ZMIZ1: variants seen among roughly 807,000 people sequenced by gnomAD.
The protein encoded by ZMIZ1 is zinc finger MIZ-type containing 1.
A neutral mutation model predicts 113.9 loss-of-function variants in ZMIZ1; 17 were observed. That is an observed-to-expected ratio of 0.15 (90% CI 0.10 to 0.22). The LOEUF (loss-of-function observed/expected upper bound fraction) is 0.22, where lower values mean the gene tolerates loss of function less well. Among genes scored for constraint, ZMIZ1 ranks in the 10% least tolerant of loss-of-function variants. The pLI, the probability that ZMIZ1 is intolerant of heterozygous loss-of-function variation, is 1.00. For missense variants in ZMIZ1, 1,059 were observed against 1,477.8 expected (o/e 0.72, Z 4.65); for synonymous variants, 607 against 603.1 (o/e 1.01, Z -0.09).
intron 7 of ZMIZ1, among the ~76,000 whole-genome samples, chr10:79,263,305 G>A (rs1169228485): frequency 1.3e-5 from 2 of 152,218 alleles, no homozygotes; most frequent in Non-Finnish European, 2.9e-5. Flanking sequence ...TGAGTTTCTT[G>A]CATCAGGAAC....
intron 7 of ZMIZ1, among the ~76,000 whole-genome samples, chr10:79,222,996 ACTCTCAG>A (rs1849042703): frequency 6.6e-6 from 1 of 151,562 alleles, no homozygotes; most frequent in Non-Finnish European, 1.5e-5. Flanking sequence ...TGAATGGTGG[ACTCTCAG>A]ACCCCGTGGT....
chr10:79,144,940 A>G (rs1423509888), intron 3 of ZMIZ1, among the ~76,000 whole-genome samples: 1 of 146,186 alleles, frequency 6.8e-6, no homozygotes, highest in Non-Finnish European at 1.5e-5. Flanking sequence ...TGGCTTCTTC[A>G]TCCACTTCGG....
chr10:79,261,951 C>T (rs564357398), intron 7 of ZMIZ1, among the ~76,000 whole-genome samples: 55 of 152,316 alleles, frequency 3.6e-4, no homozygotes, highest in African/African-American at 1.2e-3. Context: ...AGAGTCCTTT[C>T]TCCTGTCTCA....
intron 22 of ZMIZ1, among the ~76,000 whole-genome samples, chr10:79,307,112 G>A (rs1854759724): frequency 6.6e-6 from 1 of 152,094 alleles, no homozygotes; most frequent in Admixed American, 6.5e-5. Context: ...TCTGCTCTAG[G>A]CTCAGGCCAT....
At chr10:79,217,162 G>A (rs1283530174) in intron 7 of ZMIZ1, among the ~76,000 whole-genome samples, 3 of 152,326 alleles carry the variant, frequency 2.0e-5, no homozygotes, top group East Asian at 3.9e-4. Context: ...GGTGGCTCAC[G>A]CCTGTAATCC....
chr10:79,277,991 C>T (rs1410738291), intron 8 of ZMIZ1, among the ~76,000 whole-genome samples: 2 of 152,220 alleles, frequency 1.3e-5, no homozygotes, highest in African/African-American at 4.8e-5. Flanking sequence ...TGTGTGTCTC[C>T]GCTAATGATC....
At chr10:79,136,345 G>A (rs1374747568) in intron 2 of ZMIZ1, among the ~76,000 whole-genome samples, 1 of 152,248 alleles carries the variant, frequency 6.6e-6, no homozygotes, top group African/African-American at 2.4e-5. Flanking sequence ...TCAAGATGGT[G>A]CCCACTTCTG....
chr10:79,240,411 A>C (rs540608739), intron 7 of ZMIZ1, among the ~76,000 whole-genome samples: 1 of 152,234 alleles, frequency 6.6e-6, no homozygotes, highest in Non-Finnish European at 1.5e-5. Context: ...ACTCGGAACA[A>C]GTGGAGAAGG....
At chr10:79,221,266 A>C (rs945954766) in intron 7 of ZMIZ1, among the ~76,000 whole-genome samples, 3 of 152,072 alleles carry the variant, frequency 2.0e-5, no homozygotes, top group Non-Finnish European at 4.4e-5. Context: ...GCGTGCATGC[A>C]TGCGTGTGTG....
rs1215673460 is a variant in ZMIZ1, at chr10:79,314,355, G to A, written c.*1606G>A. 2.3e-6 allele frequency: 1 copy of A among 426,516 alleles called. No individual in the cohort carries two copies. Among genetic ancestry groups the A allele is most frequent in the Non-Finnish European group, 4.8e-6 (1 of 210,490 alleles). 26.4% of individuals were successfully genotyped at this position (426,516 alleles called of 1,614,324 possible). A position where few individuals can be genotyped will look rare whatever the true frequency, so the allele number is the denominator to read the frequency against. On this transcript the variant is annotated 3_prime_UTR_variant, in exon 25 of 25. Transcript: ENST00000334512. ...CTTTCCTGCTCTCCCGTCCGCTGTG[G>A]GTGGTCCCCAGCTCTCCTCTGTGGG...
At chr10:79,279,965 G>A (rs113532388) in intron 8 of ZMIZ1, among the ~76,000 whole-genome samples, 1 of 151,760 alleles carries the variant, frequency 6.6e-6, no homozygotes, top group Non-Finnish European at 1.5e-5. Context: ...AAAGGGGAGA[G>A]GGGGAGGGAG....
intron 7 of ZMIZ1, among the ~76,000 whole-genome samples, chr10:79,261,699 A>G (rs1466237967): frequency 1.3e-5 from 2 of 152,198 alleles, no homozygotes; most frequent in African/African-American, 4.8e-5. Flanking sequence ...GGGGACAACA[A>G]TGCCCTCTCA....
At chr10:79,184,980 C>T (rs1296289846) in intron 4 of ZMIZ1, among the ~76,000 whole-genome samples, 1 of 152,238 alleles carries the variant, frequency 6.6e-6, no homozygotes. Context: ...GGATGAGTAG[C>T]TGCTTGCACA....
chr10:79,135,952 C>T (rs1044885780), intron 2 of ZMIZ1, among the ~76,000 whole-genome samples: 3 of 143,382 alleles, frequency 2.1e-5, no homozygotes, highest in South Asian at 2.6e-4. Flanking sequence ...GCCCCTTTAT[C>T]GCCCTGTACA....
At chr10:79,166,182 G>A (rs1472220488) in intron 4 of ZMIZ1, among the ~76,000 whole-genome samples, 2 of 152,086 alleles carry the variant, frequency 1.3e-5, no homozygotes, top group African/African-American at 4.8e-5. Flanking sequence ...GTATCCCAGG[G>A]TCCCTGCACC....
At chr10:79,112,861 C>T (rs918619632) in intron 1 of ZMIZ1, among the ~76,000 whole-genome samples, 3 of 152,206 alleles carry the variant, frequency 2.0e-5, no homozygotes, top group African/African-American at 4.8e-5. Context: ...CGGTCCCAGG[C>T]GTTGGTGGTA....
At chr10:79,303,461 A>AG (rs2132077181) in intron 18 of ZMIZ1, among the ~76,000 whole-genome samples, 1 of 150,810 alleles carries the variant, frequency 6.6e-6, no homozygotes, top group African/African-American at 2.4e-5. Flanking sequence ...CCACAAAAAA[A>AG]AAAAAAAAAA....
intron 2 of ZMIZ1, among the ~76,000 whole-genome samples, chr10:79,136,046 G>A (rs1407824155): frequency 5.3e-5 from 8 of 152,128 alleles, no homozygotes; most frequent in Non-Finnish European, 7.4e-5. Flanking sequence ...CTCCTAGGGG[G>A]CCAAAAGGCA....
At chr10:79,116,432 C>T (rs1844034227) in intron 1 of ZMIZ1, among the ~76,000 whole-genome samples, 1 of 152,120 alleles carries the variant, frequency 6.6e-6, no homozygotes, top group South Asian at 2.1e-4. Flanking sequence ...AATATGGACA[C>T]CCAGGCAAGG....
Sources: gnomAD v4.1 joint callset for allele counts (sites outside exome capture counted in the v4.1 genomes callset) on GRCh38, gnomAD v4.1.1 for gene constraint, MANE v1.5 for transcripts, NCBI Gene and HGNC (gene_info 2026-07-23, HGNC 2026-07-21) for gene names.